SNTG1: variants seen among roughly 807,000 people sequenced by gnomAD.
SNTG1 encodes syntrophin gamma 1, also known as gamma-1-syntrophin.
Under a neutral mutation model 74.7 loss-of-function variants are expected in SNTG1, and 39 were observed. The ratio of observed to expected loss-of-function variants is 0.52; its 90% CI spans 0.40 to 0.68. SNTG1 has a LOEUF of 0.68. Ranked by LOEUF, SNTG1 falls within the 30% of genes least tolerant of loss-of-function variation. The pLI, the probability that SNTG1 is intolerant of heterozygous loss-of-function variation, is 0.00. For synonymous variants in SNTG1, 254 were observed against 217.1 expected, an observed-to-expected ratio of 1.17 and a Z score of -1.49; for missense variants, 685 against 609.5, an observed-to-expected ratio of 1.12 and a Z score of -1.30.
intron 18 of SNTG1, among the ~76,000 whole-genome samples, chr8:50,785,298 T>C (rs74528223): frequency 1.3e-5 from 2 of 151,786 alleles, no homozygotes; most frequent in Non-Finnish European, 1.5e-5. Context: ...TTTAACTAGA[T>C]AACCAAACAG....
At chr8:50,368,981 C>G (rs555911824) in intron 2 of SNTG1, among the ~76,000 whole-genome samples, 1 of 152,264 alleles carries the variant, frequency 6.6e-6, no homozygotes. Flanking sequence ...TGAATTGTAC[C>G]TCAAGTCTCA....
intron 1 of SNTG1, among the ~76,000 whole-genome samples, chr8:49,932,226 A>G (rs1228663872): frequency 6.6e-6 from 1 of 152,152 alleles, no homozygotes; most frequent in Non-Finnish European, 1.5e-5. Context: ...AGCTTCTAAA[A>G]CATAGTAAGT....
chr8:50,214,825 A>G (rs1586721141), intron 2 of SNTG1, among the ~76,000 whole-genome samples: 1 of 152,182 alleles, frequency 6.6e-6, no homozygotes, highest in Admixed American at 6.6e-5. Flanking sequence ...AAAAATTGCA[A>G]GTGAGATGGG....
intron 8 of SNTG1, among the ~76,000 whole-genome samples, chr8:50,499,033 T>TA (rs2093928390): frequency 6.6e-6 from 1 of 151,758 alleles, no homozygotes; most frequent in African/African-American, 2.4e-5. Context: ...TTATATCTCT[T>TA]AAAATCAAAC....
At chr8:50,792,412 A>G (rs2095693636) in intron 18 of SNTG1, among the ~76,000 whole-genome samples, 1 of 151,876 alleles carries the variant, frequency 6.6e-6, no homozygotes, top group Non-Finnish European at 1.5e-5. Context: ...ATATTTATCA[A>G]TCAGTGCTAA....
intron 1 of SNTG1, among the ~76,000 whole-genome samples, chr8:50,158,226 A>G (rs2082310881): frequency 6.6e-6 from 1 of 152,144 alleles, no homozygotes; most frequent in Admixed American, 6.5e-5. Flanking sequence ...TGATATTTTA[A>G]TGTCACATGG....
intron 8 of SNTG1, among the ~76,000 whole-genome samples, chr8:50,454,660 G>C (rs542715123): frequency 8.6e-5 from 13 of 151,734 alleles, no homozygotes; most frequent in Non-Finnish European, 1.8e-4. Context: ...TGGCCAACAT[G>C]GTGAAACCCT....
At chr8:50,762,420 T>C (rs2095601580) in intron 18 of SNTG1, 1 of 233,810 alleles carries the variant, frequency 4.3e-6, no homozygotes, top group Non-Finnish European at 8.8e-6. Flanking sequence ...ATGAGATCTC[T>C]TAAAGTATGG....
chr8:50,038,120 G>T (rs1046708888), intron 1 of SNTG1, among the ~76,000 whole-genome samples: 1 of 152,126 alleles, frequency 6.6e-6, no homozygotes, highest in African/African-American at 2.4e-5. Flanking sequence ...ATTTTGTCCT[G>T]TTCTGGTCCT....
At chr8:50,612,311 A>G (rs1431628385) in intron 13 of SNTG1, among the ~76,000 whole-genome samples, 1 of 152,098 alleles carries the variant, frequency 6.6e-6, no homozygotes, top group Non-Finnish European at 1.5e-5. Flanking sequence ...AAAGTATTTC[A>G]TTTAAAAATG....
At chr8:50,316,731 G>A (rs528059528) in intron 2 of SNTG1, among the ~76,000 whole-genome samples, 1 of 152,182 alleles carries the variant, frequency 6.6e-6, no homozygotes, top group African/African-American at 2.4e-5. Context: ...TGATTGCAGA[G>A]AGATATGTAC....
At chr8:50,534,526 A>T (rs2094293844) in intron 10 of SNTG1, among the ~76,000 whole-genome samples, 1 of 152,204 alleles carries the variant, frequency 6.6e-6, no homozygotes, top group African/African-American at 2.4e-5. Context: ...CACGCCTGCA[A>T]TCCCAGCACT....
At chr8:50,250,056 GA>G (rs138009983) in intron 2 of SNTG1, among the ~76,000 whole-genome samples, 4,294 of 149,806 alleles carry the variant, frequency 0.029, 193 homozygotes, top group African/African-American at 0.094. Flanking sequence ...AGAGGATCTA[GA>G]AAAAAAAATT....
intron 13 of SNTG1, among the ~76,000 whole-genome samples, chr8:50,597,675 G>A (rs1006517986): frequency 6.6e-6 from 1 of 151,852 alleles, no homozygotes; most frequent in South Asian, 2.1e-4. Flanking sequence ...CCCAACAACA[G>A]TACAAAAGAG....
chr8:50,433,301 C>A (rs2093261993), intron 4 of SNTG1, among the ~76,000 whole-genome samples: 1 of 151,794 alleles, frequency 6.6e-6, no homozygotes, highest in African/African-American at 2.4e-5. Flanking sequence ...CAAAGATAGT[C>A]CTCTATTTTT....
chr8:49,985,648 A>C (rs1813085929), intron 1 of SNTG1, among the ~76,000 whole-genome samples: 1 of 152,194 alleles, frequency 6.6e-6, no homozygotes, highest in Non-Finnish European at 1.5e-5. Flanking sequence ...ATACAGTTAA[A>C]TAAGGCGCAT....
At chr8:50,024,718 AAGTT>A (rs1423246472) in intron 1 of SNTG1, among the ~76,000 whole-genome samples, 2 of 152,112 alleles carry the variant, frequency 1.3e-5, no homozygotes, top group Non-Finnish European at 2.9e-5. Flanking sequence ...ACTATAATAA[AAGTT>A]AGTGAACGTT....
chr8:50,622,675 A>C (rs939282549), intron 13 of SNTG1, among the ~76,000 whole-genome samples: 1 of 152,146 alleles, frequency 6.6e-6, no homozygotes, highest in African/African-American at 2.4e-5. Flanking sequence ...ATATATGTAA[A>C]TATTAAATTA....
intron 9 of SNTG1, among the ~76,000 whole-genome samples, chr8:50,509,746 T>C (rs564419983): frequency 2.0e-5 from 3 of 152,162 alleles, no homozygotes; most frequent in African/African-American, 7.2e-5. Context: ...AGAAGGCTTG[T>C]GAGTTTTGCA....
Sources: allele counts gnomAD v4.1 joint callset (sites outside exome capture counted in the v4.1 genomes callset), GRCh38; gene constraint gnomAD v4.1.1; transcripts MANE v1.5; gene names NCBI Gene and HGNC (gene_info 2026-07-23, HGNC 2026-07-21).